PDGFD: variants seen among roughly 807,000 people sequenced by gnomAD.
PDGFD encodes platelet derived growth factor D, also known as platelet-derived growth factor D.
A neutral mutation model predicts 44.7 loss-of-function variants in PDGFD; 30 were observed. The ratio of observed to expected loss-of-function variants is 0.67; its 90% confidence interval spans 0.50 to 0.91. The LOEUF (loss-of-function observed/expected upper bound fraction) is 0.91, where lower values mean the gene tolerates loss of function less well. PDGFD is among the 40% of genes least tolerant of loss of function. The pLI is 0.00. For synonymous variants in PDGFD, 173 were observed against 168.4 expected, an observed-to-expected ratio of 1.03 and a Z score of -0.21; for missense variants, 445 against 457.8, an observed-to-expected ratio of 0.97 and a Z score of 0.25.
chr11:104,162,149 C>CAAAAAAAAA (rs5794296), intron 1 of PDGFD, among the ~76,000 whole-genome samples: 1 of 138,698 alleles, frequency 7.2e-6, no homozygotes. Context: ...TATTCTCTTT[C>CAAAAAAAAA]AAAAAAAAAA....
At chr11:103,949,098 G>A (rs1196718411) in intron 3 of PDGFD, among the ~76,000 whole-genome samples, 1 of 146,534 alleles carries the variant, frequency 6.8e-6, no homozygotes, top group Non-Finnish European at 1.5e-5. Context: ...TGCCTCCCAG[G>A]TTCAAGCAAT....
chr11:104,137,103 A>G (rs1862017643), intron 1 of PDGFD, among the ~76,000 whole-genome samples: 1 of 152,204 alleles, frequency 6.6e-6, no homozygotes, highest in African/African-American at 2.4e-5. Flanking sequence ...GCTTGGGTCT[A>G]CTGAACACTA....
chr11:104,125,085 T>C (rs543436919), intron 1 of PDGFD, among the ~76,000 whole-genome samples: 12 of 152,246 alleles, frequency 7.9e-5, no homozygotes, highest in Middle Eastern at 3.4e-3. Context: ...GTTTCAGGAA[T>C]AGCCGACACT....
At chr11:104,120,551 C>T (rs547880694) in intron 1 of PDGFD, among the ~76,000 whole-genome samples, 1 of 151,858 alleles carries the variant, frequency 6.6e-6, no homozygotes, top group Non-Finnish European at 1.5e-5. Context: ...TAATATTTCC[C>T]CAACAAACCT....
intron 1 of PDGFD, among the ~76,000 whole-genome samples, chr11:104,013,727 T>C (rs1362105824): frequency 6.6e-6 from 1 of 152,084 alleles, no homozygotes. Flanking sequence ...GCTTGACTTG[T>C]CTTTTTGTTT....
intron 1 of PDGFD, among the ~76,000 whole-genome samples, chr11:104,074,320 T>C (rs1342818990): frequency 6.6e-6 from 1 of 152,182 alleles, no homozygotes; most frequent in East Asian, 1.9e-4. Flanking sequence ...CTTTACACTA[T>C]ACACTTTGAG....
In PDGFD at chr11:104,124,604, A is replaced by G. The variant is rs534201913; in HGVS notation, c.124+39200T>C. 9.2e-5 allele frequency among the ~76,000 whole-genome samples: 14 copies of G among 152,228 alleles called. No homozygotes were observed. In the South Asian group the frequency reaches 2.5e-3, roughly 27 times the overall value. On this transcript the variant is annotated intron_variant, in intron 1 of 6. Transcript: ENST00000393158. ...TATTTTCCTTATCCAAGTGTCTAGAAAAAGTTTAGATGCTTTTTACTAGTT... is the reference window on the plus strand; with the variant it reads ...TATTTTCCTTATCCAAGTGTCTAGAGAAAGTTTAGATGCTTTTTACTAGTT...
At chr11:103,925,716 C>CACACATATATATATATAT (rs1198529368) in intron 6 of PDGFD, among the ~76,000 whole-genome samples, 7 of 122,760 alleles carry the variant, frequency 5.7e-5, no homozygotes, top group East Asian at 2.6e-4. Context: ...CACACACACA[C>CACACATATATATATATAT]ATATATATAT....
chr11:104,093,190 A>C (rs1309313802), intron 1 of PDGFD, among the ~76,000 whole-genome samples: 1 of 152,032 alleles, frequency 6.6e-6, no homozygotes, highest in Non-Finnish European at 1.5e-5. Context: ...GGAATTCTGG[A>C]TGGTTTCAAG....
intron 3 of PDGFD, among the ~76,000 whole-genome samples, chr11:103,954,206 G>A (rs1858802395): frequency 6.6e-6 from 1 of 152,234 alleles, no homozygotes; most frequent in South Asian, 2.1e-4. Flanking sequence ...AGAGAGGACA[G>A]TTGATATATT....
chr11:103,963,302 C>T (rs1023407323), intron 3 of PDGFD, among the ~76,000 whole-genome samples: 3 of 152,138 alleles, frequency 2.0e-5, no homozygotes, highest in Admixed American at 2.0e-4. Context: ...TCTCATTTCA[C>T]TCTCCCTATC....
chr11:103,995,254 T>C (rs1445228640), intron 3 of PDGFD, among the ~76,000 whole-genome samples: 1 of 152,186 alleles, frequency 6.6e-6, no homozygotes, highest in African/African-American at 2.4e-5. Context: ...CTGTCTGTTC[T>C]GCTTACCTTT....
At position 103,944,760 on chromosome 11, in the gene PDGFD, A is replaced by T. The variant is rs946728512; in HGVS notation, c.574-1110T>A. On this transcript the variant is annotated intron_variant, in intron 4 of 6. Coordinates refer to ENST00000393158, the MANE Select transcript of PDGFD (RefSeq NM_025208.5). ...AACCAATCAAGGTCCAAAGGTTGCT[A>T]AGTGATTTGATGATCATCTGCTCTC... is the stretch of plus-strand genomic sequence containing the variant. Among the ~76,000 whole-genome samples the T allele has an allele frequency of 2.6e-5, 4 of 152,152 alleles. No individual in the cohort carries two copies. The East Asian group carries it at 5.8e-4, about 22-fold the overall frequency.
intron 1 of PDGFD, among the ~76,000 whole-genome samples, chr11:104,159,531 A>T (rs1862359556): frequency 6.6e-6 from 1 of 152,346 alleles, no homozygotes; most frequent in Middle Eastern, 3.4e-3. Context: ...GCTCTTAAGG[A>T]CAGAGACAGA....
intron 5 of PDGFD, among the ~76,000 whole-genome samples, chr11:103,933,655 A>T (rs1348532916): frequency 2.0e-5 from 3 of 152,232 alleles, no homozygotes; most frequent in Non-Finnish European, 4.4e-5. Flanking sequence ...TTACTGAGCA[A>T]CTACTATGTA....
At chr11:104,098,231 A>G (rs1015479413) in intron 1 of PDGFD, among the ~76,000 whole-genome samples, 7 of 152,126 alleles carry the variant, frequency 4.6e-5, no homozygotes, top group Non-Finnish European at 1.0e-4. Flanking sequence ...TTGGTGAGAG[A>G]AAAGCAAAGA....
In PDGFD at chr11:104,121,160, C is replaced by T. The variant is rs376318479; in HGVS notation, c.124+42644G>A. The stretch of plus-strand genomic sequence containing the variant: ...TTAAAAACAGATCTTTGAATCCAAA[C>T]GAATTAGATTTTAAAGAACAAATTG... On this transcript the variant is annotated intron_variant, in intron 1 of 6. Transcript: ENST00000393158. 3.9e-5 allele frequency among the ~76,000 whole-genome samples: 6 copies of T among 152,042 alleles called. No homozygotes were observed. In the East Asian group the frequency reaches 5.8e-4, roughly 15 times the overall value.
intron 3 of PDGFD, among the ~76,000 whole-genome samples, chr11:103,976,982 A>T (rs2134348595): frequency 6.6e-6 from 1 of 152,262 alleles, no homozygotes; most frequent in South Asian, 2.1e-4. Context: ...AGAATCAAAT[A>T]AACAGAATAG....
At chr11:104,078,172 C>G (rs1375513796) in intron 1 of PDGFD, among the ~76,000 whole-genome samples, 1 of 152,198 alleles carries the variant, frequency 6.6e-6, no homozygotes, top group African/African-American at 2.4e-5. Context: ...CCATAAAACA[C>G]TTCTTTGGAT....
Sources: allele counts gnomAD v4.1 joint callset (sites outside exome capture counted in the v4.1 genomes callset), GRCh38; gene constraint gnomAD v4.1.1; transcripts MANE v1.5; gene names NCBI Gene and HGNC (gene_info 2026-07-23, HGNC 2026-07-21).